The following USH2A variants were observed in gnomAD, a reference collection of about 807,000 sequenced individuals.
USH2A encodes the protein Usher syndrome 2A (autosomal recessive, mild).
In USH2A, 443 loss-of-function variants were observed where a neutral mutation model predicts 538.9. The ratio of observed to expected loss-of-function variants is 0.82; its 90% confidence interval spans 0.76 to 0.89. The LOEUF (loss-of-function observed/expected upper bound fraction) is 0.89. Among genes scored for constraint, USH2A ranks in the 40% least tolerant of loss-of-function variants. The pLI, the probability that USH2A is intolerant of heterozygous loss-of-function variation, is 0.00. For synonymous variants in USH2A, 2,413 were observed against 2,273.5 expected, an observed-to-expected ratio of 1.06 and a Z score of -1.75; for missense variants, 6,633 against 6,324.8, an observed-to-expected ratio of 1.05 and a Z score of -1.65.
intron 4 of USH2A, among the ~76,000 whole-genome samples, chr1:216,344,761 G>A (rs926401683): frequency 2.0e-5 from 3 of 151,652 alleles, no homozygotes; most frequent in Non-Finnish European, 4.4e-5. Flanking sequence ...TAAAAGACAA[G>A]GACACTTGAC....
chr1:215,998,404 G>C (rs1668186690), intron 34 of USH2A, among the ~76,000 whole-genome samples: 1 of 152,032 alleles, frequency 6.6e-6, no homozygotes, highest in South Asian at 2.1e-4. Context: ...TTAAGTGACT[G>C]TTCTTCTGAG....
At chr1:216,050,236 C>T (rs895012814) in intron 30 of USH2A, among the ~76,000 whole-genome samples, 2 of 152,206 alleles carry the variant, frequency 1.3e-5, no homozygotes, top group African/African-American at 2.4e-5. Context: ...AGATTGCTGG[C>T]TCCAAATGCC....
At chr1:216,414,394 A>G (rs1191232198) in intron 3 of USH2A, among the ~76,000 whole-genome samples, 1 of 152,134 alleles carries the variant, frequency 6.6e-6, no homozygotes, top group Non-Finnish European at 1.5e-5. Context: ...TGTGAGATTC[A>G]TTACCATAGC....
At chr1:216,122,632 T>C (rs2033160751) in intron 21 of USH2A, among the ~76,000 whole-genome samples, 1 of 152,124 alleles carries the variant, frequency 6.6e-6, no homozygotes, top group Non-Finnish European at 1.5e-5. Context: ...CTTGGGAAGG[T>C]GCTAGGAGGC....
At chr1:215,763,997 G>C (rs1278050049) in intron 56 of USH2A, among the ~76,000 whole-genome samples, 2 of 152,142 alleles carry the variant, frequency 1.3e-5, no homozygotes, top group Non-Finnish European at 2.9e-5. Flanking sequence ...TTTGAGAGAA[G>C]AAAAGCAAGT....
intron 37 of USH2A, among the ~76,000 whole-genome samples, chr1:215,958,735 A>C (rs1053939381): frequency 5.9e-5 from 9 of 152,086 alleles, no homozygotes; most frequent in African/African-American, 2.2e-4. Context: ...CCTCAAAAAA[A>C]CCAAATCTCC....
intron 13 of USH2A, among the ~76,000 whole-genome samples, chr1:216,245,735 G>A (rs2036027384): frequency 6.6e-6 from 1 of 152,072 alleles, no homozygotes; most frequent in Admixed American, 6.6e-5. Context: ...AATGCCAAAG[G>A]AAAAGCATGG....
intron 44 of USH2A, among the ~76,000 whole-genome samples, chr1:215,853,274 T>G (rs1664068985): frequency 6.6e-6 from 1 of 152,192 alleles, no homozygotes; most frequent in East Asian, 1.9e-4. Context: ...TGGCCCAAGC[T>G]CTACATTGGG....
intron 3 of USH2A, among the ~76,000 whole-genome samples, chr1:216,414,915 A>G (rs952986366): frequency 6.6e-6 from 1 of 152,194 alleles, no homozygotes. Flanking sequence ...AATGGAGTTT[A>G]GATGCATTAT....
At chr1:215,764,941 C>T (rs942208310) in intron 56 of USH2A, among the ~76,000 whole-genome samples, 1 of 150,984 alleles carries the variant, frequency 6.6e-6, no homozygotes. Context: ...TATTTCTTTG[C>T]ATGATTATTT....
At chr1:216,011,569 A>G (rs182481787) in intron 32 of USH2A, among the ~76,000 whole-genome samples, 2,399 of 152,208 alleles carry the variant, frequency 0.016, 35 homozygotes, top group Non-Finnish European at 0.023. Flanking sequence ...CACAAGAGCC[A>G]GGACCACACC....
intron 58 of USH2A, among the ~76,000 whole-genome samples, chr1:215,755,467 A>C (rs114312674): frequency 0.013 from 1,950 of 152,286 alleles, 48 homozygotes; most frequent in African/African-American, 0.044. Context: ...ACATGTTTTT[A>C]TTATCCAAAT....
At position 215,674,162 on chromosome 1, in the gene USH2A, G is replaced by A; in HGVS notation, c.13749C>T (p.Asn4583=). The A allele has an allele frequency of 6.2e-7, 1 of 1,614,120 alleles. No homozygotes were observed. The highest frequency in any genetic ancestry group is 8.5e-7 in the Non-Finnish European group (1 of 1,179,998). Residue 4583 remains asparagine (N), a synonymous_variant, in exon 63 of 72, where the codon AAC becomes AAT. Transcript: ENST00000307340. ...FERETKIIHI[N]TTHNSFGMQS... ...GCATACCAAAAGAATTATGAGTTGTGTTTATGTGTATGATTTTAGTTTCTC... is the reference window on the plus strand; with the variant it reads ...GCATACCAAAAGAATTATGAGTTGTATTTATGTGTATGATTTTAGTTTCTC...
intron 21 of USH2A, among the ~76,000 whole-genome samples, chr1:216,146,784 G>T (rs574526196): frequency 1.8e-3 from 274 of 151,950 alleles, no homozygotes; most frequent in Non-Finnish European, 2.8e-3. Flanking sequence ...TTTTCTCAGG[G>T]TTTGCCTCCT....
rs752752496 is a variant in USH2A at position 215,728,069 on chromosome 1, A to G, written c.12027T>C (p.Pro4009=). 1.9e-6 allele frequency: 3 copies of G among 1,614,220 alleles called. No individual in the cohort carries two copies. Among genetic ancestry groups the G allele is most frequent in the South Asian group, 2.2e-5 (2 of 91,090 alleles). Residue 4009 remains proline, a synonymous_variant, in exon 61 of 72, where the codon CCT becomes CCC. Coordinates refer to ENST00000307340, the MANE Select transcript of USH2A (RefSeq NM_206933.4). The stretch of plus-strand genomic sequence containing the variant: ...CATGCACGGTAGGGCTGTTAAATGT[A>G]GGATCGTCGGGTCTCTCCTGGTAGA... ...RVVYQERPDD[P]TFNSPTVHAF...
chr1:215,889,106 TCTC>T (rs749945941), intron 40 of USH2A, 52 bp from the exon 41 acceptor site: 2 of 1,600,930 alleles, frequency 1.2e-6, no homozygotes, highest in Admixed American at 1.7e-5. Context: ...ATGTCCCACC[TCTC>T]CTCAAAGCTA....
At position 215,922,923 on chromosome 1, in the gene USH2A, A is replaced by G. The variant is rs369082633; in HGVS notation, c.7300+11693T>C. On this transcript the variant is annotated intron_variant, in intron 38 of 71. Transcript: ENST00000307340. ...TCTGAGACCTGAAAATAGTGGAGAAACAGCTCAGAAGATTGTCAAATGAAG... is the reference window on the plus strand; with the variant it reads ...TCTGAGACCTGAAAATAGTGGAGAAGCAGCTCAGAAGATTGTCAAATGAAG... Among the ~76,000 whole-genome samples, 15 of 152,196 alleles carry G rather than the reference A, an allele frequency of 9.9e-5. No homozygotes were observed. The East Asian group carries it at 1.4e-3, about 14-fold the overall frequency.
chr1:216,185,010 G>T (rs1466257013), intron 20 of USH2A, among the ~76,000 whole-genome samples: 1 of 151,882 alleles, frequency 6.6e-6, no homozygotes, highest in South Asian at 2.1e-4. Context: ...CTCATAAGAA[G>T]GGTTTAAACT....
At chr1:216,269,607 T>G (rs2036538252) in intron 11 of USH2A, among the ~76,000 whole-genome samples, 1 of 152,116 alleles carries the variant, frequency 6.6e-6, no homozygotes, top group Non-Finnish European at 1.5e-5. Flanking sequence ...TAGACTCAAT[T>G]AAGTTTAAGG....
Sources: gnomAD v4.1 joint callset for allele counts (sites outside exome capture counted in the v4.1 genomes callset) on GRCh38, gnomAD v4.1.1 for gene constraint, MANE v1.5 for transcripts, NCBI Gene and HGNC (gene_info 2026-07-23, HGNC 2026-07-21) for gene names.